MAGI1: variants seen among roughly 807,000 people sequenced by gnomAD.
The protein encoded by MAGI1 is membrane associated guanylate kinase, WW and PDZ domain containing 1.
In MAGI1, 58 loss-of-function variants were observed where a neutral mutation model predicts 139.9. That is an observed-to-expected ratio of 0.41 (90% CI 0.34 to 0.52). MAGI1 has a LOEUF of 0.52. Ranked by LOEUF, MAGI1 falls within the 20% of genes least tolerant of loss-of-function variation. MAGI1 has a pLI of 0.12. For synonymous variants in MAGI1, 812 were observed against 737.9 expected, an observed-to-expected ratio of 1.10 and a Z score of -1.63; for missense variants, 1,874 against 1,901.6, an observed-to-expected ratio of 0.99 and a Z score of 0.27.
intron 1 of MAGI1, among the ~76,000 whole-genome samples, chr3:65,750,763 T>G (rs2036084256): frequency 6.6e-6 from 1 of 152,238 alleles, no homozygotes; most frequent in Non-Finnish European, 1.5e-5. Context: ...GTATTTTACA[T>G]ACGCTGAAAG....
Position 65,892,485 on chromosome 3 carries a change from C to T in MAGI1, c.313+145511G>A, listed in dbSNP as rs532869789. On this transcript the variant is annotated intron_variant, in intron 1 of 22. Coordinates refer to ENST00000402939, the MANE Select transcript of MAGI1 (RefSeq NM_001033057.2). ...ACATTTTATTAAGTGGCATACAAGG[C>T]ATTCTTGTGTTTATTTTTTAGAAAT... is the stretch of plus-strand genomic sequence containing the variant. Among the ~76,000 whole-genome samples, 18 of 152,296 alleles carry T rather than the reference C, an allele frequency of 1.2e-4. No individual in the cohort carries two copies. The South Asian group carries it at 3.5e-3, about 30-fold the overall frequency.
chr3:65,957,198 T>A (rs968789196), intron 1 of MAGI1, among the ~76,000 whole-genome samples: 6 of 151,810 alleles, frequency 4.0e-5, no homozygotes, highest in Non-Finnish European at 5.9e-5. Context: ...AATGTAGATA[T>A]ATGCATGCTA....
In MAGI1 at chr3:65,573,554, A is replaced by C. The variant is rs1007255121; in HGVS notation, c.430+48418T>G. On this transcript the variant is annotated intron_variant, in intron 2 of 22. Transcript: ENST00000402939. The stretch of plus-strand genomic sequence containing the variant: ...TATTGCTGATTTAAAAATAAAAAAA[A>C]AACTCCTGGTAATCTATAAATGGCA... Among the ~76,000 whole-genome samples the C allele has an allele frequency of 2.6e-5, 4 of 152,148 alleles. No homozygotes were observed. The South Asian group carries it at 6.2e-4, about 24-fold the overall frequency.
intron 2 of MAGI1, among the ~76,000 whole-genome samples, chr3:65,546,168 ACTTTG>A (rs1022453054): frequency 1.3e-5 from 2 of 152,256 alleles, no homozygotes; most frequent in Non-Finnish European, 2.9e-5. Flanking sequence ...CCTGTTAAAT[ACTTTG>A]CTTTGTCTCG....
intron 1 of MAGI1, among the ~76,000 whole-genome samples, chr3:65,950,200 T>TA (rs1353340538): frequency 5.3e-5 from 8 of 149,708 alleles, no homozygotes; most frequent in Non-Finnish European, 1.2e-4. Flanking sequence ...GTATTAAAGT[T>TA]AAACAAGTTA....
At chr3:65,575,980 T>C (rs2081158474) in intron 2 of MAGI1, among the ~76,000 whole-genome samples, 1 of 152,184 alleles carries the variant, frequency 6.6e-6, no homozygotes, top group Admixed American at 6.5e-5. Context: ...GTTTTCTTAA[T>C]TGTGGTGCTG....
intron 2 of MAGI1, among the ~76,000 whole-genome samples, chr3:65,595,128 C>T (rs554715865): frequency 6.6e-6 from 1 of 152,198 alleles, no homozygotes; most frequent in African/African-American, 2.4e-5. Flanking sequence ...TCTTCTTTTT[C>T]CACTCCTCTA....
At chr3:65,610,967 T>A (rs1308711709) in intron 2 of MAGI1, among the ~76,000 whole-genome samples, 1 of 138,246 alleles carries the variant, frequency 7.2e-6, no homozygotes, top group African/African-American at 2.6e-5. Flanking sequence ...ATATAGTATA[T>A]AGACACTATA....
intron 1 of MAGI1, among the ~76,000 whole-genome samples, chr3:65,978,501 T>A (rs1244452236): frequency 6.6e-6 from 1 of 152,106 alleles, no homozygotes; most frequent in Non-Finnish European, 1.5e-5. Context: ...TTTTCTCTCC[T>A]ATCATACCCC....
At chr3:65,894,724 A>G (rs1331111078) in intron 1 of MAGI1, among the ~76,000 whole-genome samples, 1 of 152,230 alleles carries the variant, frequency 6.6e-6, no homozygotes, top group Admixed American at 6.5e-5. Context: ...CAACACAATG[A>G]AGCCAATGAG....
chr3:65,756,377 C>A (rs1415118338), intron 1 of MAGI1, among the ~76,000 whole-genome samples: 3 of 152,130 alleles, frequency 2.0e-5, no homozygotes, highest in African/African-American at 7.2e-5. Flanking sequence ...AGAGAAGCTG[C>A]AAGATTTCGG....
chr3:65,750,392 CCTCT>C (rs2036048109), intron 1 of MAGI1, among the ~76,000 whole-genome samples: 1 of 152,074 alleles, frequency 6.6e-6, no homozygotes, highest in African/African-American at 2.4e-5. Context: ...AATGCATCTC[CCTCT>C]AAGAAAAAAT....
intron 1 of MAGI1, among the ~76,000 whole-genome samples, chr3:65,919,737 G>T (rs374156653): frequency 1.3e-5 from 2 of 149,840 alleles, no homozygotes; most frequent in South Asian, 4.2e-4. Context: ...AAAAGGCAAC[G>T]TTCCCCCATT....
At chr3:65,773,788 G>A (rs975999238) in intron 1 of MAGI1, among the ~76,000 whole-genome samples, 3 of 152,088 alleles carry the variant, frequency 2.0e-5, no homozygotes, top group East Asian at 1.9e-4. Context: ...GCCTTGATTC[G>A]AGTGTTTATG....
chr3:65,743,041 G>A (rs1322962507), intron 1 of MAGI1, among the ~76,000 whole-genome samples: 1 of 151,862 alleles, frequency 6.6e-6, no homozygotes, highest in Non-Finnish European at 1.5e-5. Flanking sequence ...AAAAGAAAGA[G>A]ACCCTACATG....
intron 1 of MAGI1, among the ~76,000 whole-genome samples, chr3:65,959,992 A>G (rs1363890895): frequency 6.6e-6 from 1 of 151,346 alleles, no homozygotes; most frequent in Non-Finnish European, 1.5e-5. Flanking sequence ...ATTTTTTAGT[A>G]GAGACAGGGT....
At chr3:65,817,576 G>A (rs1422043705) in intron 1 of MAGI1, among the ~76,000 whole-genome samples, 1 of 152,120 alleles carries the variant, frequency 6.6e-6, no homozygotes, top group African/African-American at 2.4e-5. Flanking sequence ...TAATATACTC[G>A]CATTTCCTCC....
chr3:65,989,413 C>G (rs2066046860), intron 1 of MAGI1, among the ~76,000 whole-genome samples: 1 of 152,064 alleles, frequency 6.6e-6, no homozygotes, highest in African/African-American at 2.4e-5. Flanking sequence ...TATATCTTCC[C>G]ACATGAGTCT....
intron 2 of MAGI1, among the ~76,000 whole-genome samples, chr3:65,510,285 C>A (rs953825259): frequency 6.6e-6 from 1 of 152,138 alleles, no homozygotes; most frequent in African/African-American, 2.4e-5. Context: ...TCACCAGCAA[C>A]GGAACAAAGC....
Sources: gnomAD v4.1 joint callset for allele counts (sites outside exome capture counted in the v4.1 genomes callset) on GRCh38, gnomAD v4.1.1 for gene constraint, MANE v1.5 for transcripts, NCBI Gene and HGNC (gene_info 2026-07-23, HGNC 2026-07-21) for gene names.